Variants in PLCG2 observed in about 807,000 individuals in gnomAD.
The protein encoded by PLCG2 is 1-phosphatidylinositol 4,5-bisphosphate phosphodiesterase gamma-2.
Under a neutral mutation model 175.6 loss-of-function variants are expected in PLCG2, and 69 were observed. The observed-to-expected ratio is 0.39, with a 90% CI of 0.32 to 0.48. The LOEUF is 0.48. Among genes scored for constraint, PLCG2 ranks in the 20% least tolerant of loss-of-function variants. The pLI, the probability that PLCG2 is intolerant of heterozygous loss-of-function variation, is 0.91. For synonymous variants in PLCG2, 827 were observed against 624.0 expected (o/e 1.33, Z -4.85); for missense variants, 1,798 against 1,650.9 (o/e 1.09, Z -1.54).
intron 14 of PLCG2, among the ~76,000 whole-genome samples, chr16:81,901,568 G>A (rs1909153154): frequency 6.6e-6 from 1 of 152,070 alleles, no homozygotes. Flanking sequence ...GAATCAGAGG[G>A]GCACGTGAAC....
intron 14 of PLCG2, among the ~76,000 whole-genome samples, chr16:81,904,649 G>C (rs1214957741): frequency 3.3e-5 from 5 of 152,212 alleles, no homozygotes; most frequent in Non-Finnish European, 2.9e-5. Context: ...CTGGGCACAG[G>C]TGGTGTTGTT....
chr16:81,771,840 A>C (rs778551298), intron 2 of PLCG2, among the ~76,000 whole-genome samples: 1 of 152,088 alleles, frequency 6.6e-6, no homozygotes, highest in Non-Finnish European at 1.5e-5. Flanking sequence ...CTGGAGTGCC[A>C]GGGCAGGATC....
chr16:81,781,326 C>G (rs763770358), intron 1 of PLCG2, among the ~76,000 whole-genome samples: 2 of 152,078 alleles, frequency 1.3e-5, no homozygotes, highest in Admixed American at 6.5e-5. Context: ...CATCCTCATT[C>G]TTTCTGATGG....
intron 2 of PLCG2, among the ~76,000 whole-genome samples, chr16:81,769,916 G>A (rs1198676752): frequency 6.6e-6 from 1 of 150,664 alleles, no homozygotes; most frequent in Non-Finnish European, 1.5e-5. Flanking sequence ...GTCGCTTAAT[G>A]CCTCTGAGCC....
At position 81,833,643 on chromosome 16, in the gene PLCG2, C is replaced by G. The variant is rs577733827; in HGVS notation, c.194-20801C>G. 2.4e-4 allele frequency among the ~76,000 whole-genome samples: 37 copies of G among 151,904 alleles called. No individual in the cohort carries two copies. In the South Asian group the frequency reaches 7.1e-3, roughly 29 times the overall value. On this transcript the variant is annotated intron_variant, in intron 2 of 32. Transcript: ENST00000564138. ...CTCCTAGGATCAAGAAATGCTCCTACCTCATCCTCCTGAGTAGCTGGGACC... is the reference window on the plus strand; with the variant it reads ...CTCCTAGGATCAAGAAATGCTCCTAGCTCATCCTCCTGAGTAGCTGGGACC...
intron 2 of PLCG2, among the ~76,000 whole-genome samples, chr16:81,756,874 A>T (rs868781178): frequency 6.6e-6 from 1 of 152,110 alleles, no homozygotes; most frequent in Non-Finnish European, 1.5e-5. Context: ...CTGTCTTGAG[A>T]GCCCCACAGC....
At chr16:81,819,937 A>G (rs924019240) in intron 2 of PLCG2, among the ~76,000 whole-genome samples, 4 of 152,186 alleles carry the variant, frequency 2.6e-5, no homozygotes, top group African/African-American at 9.7e-5. Flanking sequence ...ATTATCAGAG[A>G]AATGCAGATT....
intron 14 of PLCG2, among the ~76,000 whole-genome samples, chr16:81,901,541 C>G (rs73596857): frequency 4.6e-5 from 7 of 152,168 alleles, no homozygotes; most frequent in Non-Finnish European, 8.8e-5. Flanking sequence ...CACAGACCCC[C>G]GAAGAATCCA....
intron 18 of PLCG2, among the ~76,000 whole-genome samples, chr16:81,911,399 G>T (rs536573500): frequency 3.3e-5 from 5 of 152,150 alleles, no homozygotes; most frequent in African/African-American, 1.2e-4. Context: ...TGCCTCCCTG[G>T]GAGCCTGGCT....
chr16:81,784,501 C>A (rs941037326), intron 1 of PLCG2, among the ~76,000 whole-genome samples: 1 of 152,210 alleles, frequency 6.6e-6, no homozygotes, highest in African/African-American at 2.4e-5. Flanking sequence ...CAGCCTCTCA[C>A]TCCTCCTTCT....
At chr16:81,897,846 G>A (rs1908967111) in intron 13 of PLCG2, 2 of 455,706 alleles carry the variant, frequency 4.4e-6, no homozygotes, top group South Asian at 1.5e-5. Context: ...TGCCCAACCC[G>A]ATTGGTTATT....
At chr16:81,843,317 A>C (rs976907883) in intron 2 of PLCG2, among the ~76,000 whole-genome samples, 1 of 152,170 alleles carries the variant, frequency 6.6e-6, no homozygotes, top group African/African-American at 2.4e-5. Context: ...ATCTTTTGGT[A>C]CCCTTTCTCA....
chr16:81,822,987 G>T (rs1015906885), intron 2 of PLCG2, among the ~76,000 whole-genome samples: 1 of 152,218 alleles, frequency 6.6e-6, no homozygotes, highest in Admixed American at 6.5e-5. Flanking sequence ...TTTTAGCCCA[G>T]TGAGACTGGT....
At chr16:81,887,455 A>G (rs555904146) in intron 9 of PLCG2, among the ~76,000 whole-genome samples, 1 of 152,250 alleles carries the variant, frequency 6.6e-6, no homozygotes, top group South Asian at 2.1e-4. Context: ...TTTGGGTTTC[A>G]TGTTCTAGTA....
chr16:81,775,998 C>A (rs1244070102), upstream of PLCG2, among the ~76,000 whole-genome samples: 1 of 151,956 alleles, frequency 6.6e-6, no homozygotes, highest in Non-Finnish European at 1.5e-5. Flanking sequence ...TGACTTAACC[C>A]ACTCTAGCCC....
chr16:81,756,430 C>T (rs1450808875), intron 2 of PLCG2, among the ~76,000 whole-genome samples: 1 of 152,214 alleles, frequency 6.6e-6, no homozygotes, highest in Non-Finnish European at 1.5e-5. Context: ...TTATTATTAA[C>T]CCCATTTTAC....
intron 26 of PLCG2, chr16:81,935,440 C>A: frequency 1.4e-6 from 1 of 740,118 alleles, no homozygotes; most frequent in Non-Finnish European, 1.7e-6. Context: ...AAAAAAAAGA[C>A]CTTCTACCAC....
chr16:81,790,974 G>A (rs897463541), intron 2 of PLCG2, among the ~76,000 whole-genome samples: 2 of 152,318 alleles, frequency 1.3e-5, no homozygotes, highest in South Asian at 4.1e-4. Context: ...AACTGCTCTA[G>A]AGTCATGTGT....
At chr16:81,882,525 C>T (rs1047880301) in intron 8 of PLCG2, among the ~76,000 whole-genome samples, 43 of 152,036 alleles carry the variant, frequency 2.8e-4, no homozygotes, top group African/African-American at 7.3e-4. Flanking sequence ...CCTCTACGGG[C>T]GGGTGGTGTG....
Sources: allele counts gnomAD v4.1 joint callset (sites outside exome capture counted in the v4.1 genomes callset), GRCh38; gene constraint gnomAD v4.1.1; transcripts MANE v1.5; gene names NCBI Gene and HGNC (gene_info 2026-07-23, HGNC 2026-07-21).